Variants in DNAH3 observed in about 807,000 individuals in gnomAD.
DNAH3 encodes the protein axonemal beta dynein heavy chain 3.
A neutral mutation model predicts 432.5 loss-of-function variants in DNAH3; 332 were observed. That is an observed-to-expected ratio of 0.77 (90% confidence interval 0.70 to 0.84). The LOEUF (loss-of-function observed/expected upper bound fraction) is 0.84. Among genes scored for constraint, DNAH3 ranks in the 40% least tolerant of loss-of-function variants. The pLI is 0.00. For missense variants in DNAH3, 4,861 were observed against 5,114.0 expected (o/e 0.95, Z 1.51); for synonymous variants, 1,956 against 1,900.2 (o/e 1.03, Z -0.76).
At chr16:21,103,239 AC>A (rs1252770087) in intron 16 of DNAH3, among the ~76,000 whole-genome samples, 1 of 151,782 alleles carries the variant, frequency 6.6e-6, no homozygotes, top group Non-Finnish European at 1.5e-5. Flanking sequence ...TGATGGGTGC[AC>A]CAAAATCTCA....
chr16:20,933,372 G>T (rs776175730), exon 62 of DNAH3: 1 of 1,614,156 alleles, frequency 6.2e-7, no homozygotes, highest in Non-Finnish European at 8.5e-7. Flanking sequence ...ATGGGCAGTG[G>T]GTCATAGAGG....
chr16:21,081,544 C>A (rs2091186085), intron 20 of DNAH3, 92 bp downstream of exon 20: 3 of 1,023,996 alleles, frequency 2.9e-6, no homozygotes, highest in Admixed American at 2.2e-5. Context: ...GAAAAAAAAA[C>A]AAACAGCCCG....
intron 21 of DNAH3, among the ~76,000 whole-genome samples, chr16:21,073,308 A>G (rs556239729): frequency 3.9e-5 from 6 of 152,308 alleles, no homozygotes; most frequent in Non-Finnish European, 7.4e-5. Flanking sequence ...AAAACTCTGC[A>G]GATTGGCCAG....
At chr16:21,129,049 C>G (rs2092502672) in intron 7 of DNAH3, among the ~76,000 whole-genome samples, 1 of 152,106 alleles carries the variant, frequency 6.6e-6, no homozygotes, top group South Asian at 2.1e-4. Context: ...AATGACTTCC[C>G]ATTTCAGAGT....
chr16:21,005,268 TTC>T (rs936315715), intron 41 of DNAH3, among the ~76,000 whole-genome samples: 1 of 140,858 alleles, frequency 7.1e-6, no homozygotes, highest in African/African-American at 2.8e-5. Flanking sequence ...CTTCCCTCCC[TTC>T]TTTCTTTCTT....
chr16:20,944,458 G>A (rs1294317654), intron 58 of DNAH3, 38 bp downstream of exon 58: 3 of 1,611,276 alleles, frequency 1.9e-6, no homozygotes, highest in Non-Finnish European at 2.5e-6. Context: ...GAACTGCCTG[G>A]GAAATAGGAT....
intron 18 of DNAH3, among the ~76,000 whole-genome samples, chr16:21,090,923 G>A (rs142543264): frequency 0.019 from 2,945 of 152,146 alleles, 39 homozygotes; most frequent in African/African-American, 0.026. Context: ...AATCAGAGGC[G>A]GGTGGATTGC....
chr16:21,151,076 A>G (rs1283727725), intron 1 of DNAH3, among the ~76,000 whole-genome samples: 1 of 152,144 alleles, frequency 6.6e-6, no homozygotes, highest in African/African-American at 2.4e-5. Flanking sequence ...AAAAGCACAG[A>G]GTATGGTGGT....
At chr16:20,950,785 C>T (rs956892385) in intron 56 of DNAH3, among the ~76,000 whole-genome samples, 2 of 152,070 alleles carry the variant, frequency 1.3e-5, no homozygotes, top group African/African-American at 4.8e-5. Context: ...CTATACGGCA[C>T]GTTCCTTGAA....
chr16:21,039,970 CG>C (rs753229874), intron 32 of DNAH3, 27 bp from the exon 33 acceptor site: 1 of 1,575,936 alleles, frequency 6.3e-7, no homozygotes, highest in Non-Finnish European at 8.7e-7. Context: ...AAATCAGAAT[CG>C]GAACACGTGC....
chr16:21,001,922 T>C (rs1451520088), intron 42 of DNAH3, among the ~76,000 whole-genome samples: 1 of 152,218 alleles, frequency 6.6e-6, no homozygotes, highest in Non-Finnish European at 1.5e-5. Flanking sequence ...ATTTTCTTCA[T>C]TGGACTCTTT....
intron 51 of DNAH3, among the ~76,000 whole-genome samples, chr16:20,970,925 C>A (rs539630714): frequency 6.8e-6 from 1 of 146,228 alleles, no homozygotes; most frequent in South Asian, 2.1e-4. Flanking sequence ...ACTGTAGCAG[C>A]GGTGCTATCT....
chr16:20,988,112 C>T (rs376745838), intron 44 of DNAH3, 47 bp from the exon 45 acceptor site: 1 of 1,607,686 alleles, frequency 6.2e-7, no homozygotes, highest in South Asian at 1.1e-5. Context: ...AACACATATT[C>T]TCACACTGTC....
intron 28 of DNAH3, 95 bp downstream of exon 28, chr16:21,054,325 A>C: frequency 1.1e-6 from 1 of 935,058 alleles, no homozygotes; most frequent in Non-Finnish European, 1.6e-6. Flanking sequence ...GAGGAAGGAA[A>C]CCCTGAATTA....
rs1310281100 is a variant in DNAH3, at chr16:21,019,817, T to C, written c.5829A>G (p.Ser1943=). Reference sequence around the variant, plus strand: ...GGAGCCAGAGAAAGATCTGTTGACTTGACAGGCCTTCACCTAATTCCATTT... The same window carrying C: ...GGAGCCAGAGAAAGATCTGTTGACTCGACAGGCCTTCACCTAATTCCATTT... Residue 1943 remains serine (S), a synonymous_variant, in exon 41 of 62, where the codon TCA becomes TCG. Coordinates refer to ENST00000261383, the Ensembl canonical transcript of DNAH3. The C allele has an allele frequency of 3.1e-6, 5 of 1,614,134 alleles. No individual in the cohort carries two copies. The South Asian group carries it at 5.5e-5, about 18-fold the overall frequency.
At chr16:21,125,276 CAAT>C in exon 9 of DNAH3, 1 of 1,613,774 alleles carries the variant, frequency 6.2e-7, no homozygotes, top group Non-Finnish European at 8.5e-7. Context: ...AAATATTCCT[CAAT>C]GTTTCGACTT....
rs757656954 is a variant in DNAH3 at position 21,051,689 on chromosome 16, G to T, written c.4219C>A (p.Leu1407Ile). The T allele has an allele frequency of 4.0e-5, 64 of 1,613,196 alleles. No homozygotes were observed. Among genetic ancestry groups the T allele is most frequent in the Non-Finnish European group, 5.3e-5 (62 of 1,180,032 alleles). Residue 1407 changes from leucine to isoleucine, a missense_variant, in exon 29 of 62, where the codon CTC becomes ATC. By Grantham distance (5) the Leu-to-Ile change is conservative (BLOSUM62 2). Transcript: ENST00000261383. ...GTGTACCTGTAGCAGCGGTCGGTGA[G>T]GGGTGTGATCACCAGCCGGGGGGAG...
chr16:21,131,619 G>A (rs532706220), intron 7 of DNAH3, among the ~76,000 whole-genome samples: 112 of 152,112 alleles, frequency 7.4e-4, no homozygotes, highest in Non-Finnish European at 1.3e-3. Context: ...GGAGGCTGAG[G>A]CAGGTGGATC....
At chr16:21,074,106 C>T (rs1597315467) in intron 21 of DNAH3, among the ~76,000 whole-genome samples, 1 of 152,118 alleles carries the variant, frequency 6.6e-6, no homozygotes, top group Admixed American at 6.6e-5. Flanking sequence ...CGGTGAATGA[C>T]CTTCATGCTA....
Sources: gnomAD v4.1 joint callset for allele counts (sites outside exome capture counted in the v4.1 genomes callset) on GRCh38, gnomAD v4.1.1 for gene constraint, MANE v1.5 for transcripts, NCBI Gene and HGNC (gene_info 2026-07-23, HGNC 2026-07-21) for gene names.